Variants in STX8 observed in about 807,000 individuals in gnomAD.
STX8 encodes the protein syntaxin-8.
In STX8, 23 loss-of-function variants were observed where a neutral mutation model predicts 37.5. That is an observed-to-expected ratio of 0.61 (90% CI 0.44 to 0.87). STX8 has a LOEUF of 0.87. STX8 is among the 40% of genes least tolerant of loss of function. STX8 has a pLI of 0.00. For synonymous variants in STX8, 115 were observed against 99.1 expected (o/e 1.16, Z -0.95); for missense variants, 313 against 284.7 (o/e 1.10, Z -0.71).
chr17:9,348,870 CT>C (rs1910613652), intron 7 of STX8, among the ~76,000 whole-genome samples: 1 of 152,196 alleles, frequency 6.6e-6, no homozygotes, highest in South Asian at 2.1e-4. Context: ...CAGAGAAAAG[CT>C]TATACATTAA....
intron 7 of STX8, among the ~76,000 whole-genome samples, chr17:9,290,336 G>A (rs1597586659): frequency 6.6e-6 from 1 of 151,608 alleles, no homozygotes; most frequent in South Asian, 2.1e-4. Flanking sequence ...TTGAGGGCAG[G>A]TGTAGGGCAG....
At chr17:9,552,216 C>A (rs1422806135) in intron 3 of STX8, among the ~76,000 whole-genome samples, 1 of 152,122 alleles carries the variant, frequency 6.6e-6, no homozygotes, top group South Asian at 2.1e-4. Flanking sequence ...GTGGCATACA[C>A]CTGGACCCCT....
At chr17:9,499,485 G>A (rs1015546124) in intron 5 of STX8, among the ~76,000 whole-genome samples, 4 of 152,090 alleles carry the variant, frequency 2.6e-5, no homozygotes, top group African/African-American at 7.2e-5. Flanking sequence ...TGCAACCTCC[G>A]CCTCCCGAGT....
chr17:9,391,242 T>C (rs55776831), intron 6 of STX8, among the ~76,000 whole-genome samples: 2 of 151,552 alleles, frequency 1.3e-5, no homozygotes, highest in Admixed American at 1.3e-4. Flanking sequence ...TCACTTGAGG[T>C]CAGGAGTTCG....
chr17:9,518,612 T>TA (rs2142519889), intron 4 of STX8, among the ~76,000 whole-genome samples: 1 of 152,294 alleles, frequency 6.6e-6, no homozygotes, highest in East Asian at 1.9e-4. Context: ...CTCATGCCTG[T>TA]AATCCCAGCA....
At chr17:9,446,926 A>C (rs1904872771) in intron 6 of STX8, among the ~76,000 whole-genome samples, 1 of 152,204 alleles carries the variant, frequency 6.6e-6, no homozygotes, top group South Asian at 2.1e-4. Flanking sequence ...ATAGGTAATT[A>C]ATCTTGATTT....
intron 6 of STX8, among the ~76,000 whole-genome samples, chr17:9,380,453 T>TA (rs1210203605): frequency 2.0e-5 from 3 of 152,016 alleles, no homozygotes; most frequent in South Asian, 4.2e-4. Context: ...CAGGCCCTGC[T>TA]ATGTCACCCA....
chr17:9,263,874 A>G (rs1446484368), intron 7 of STX8, among the ~76,000 whole-genome samples: 1 of 152,222 alleles, frequency 6.6e-6, no homozygotes, highest in African/African-American at 2.4e-5. Flanking sequence ...GCTCTCATCA[A>G]GAGGTAGGAC....
chr17:9,275,174 C>G (rs972808373), intron 7 of STX8, among the ~76,000 whole-genome samples: 6 of 152,208 alleles, frequency 3.9e-5, no homozygotes, highest in African/African-American at 1.4e-4. Flanking sequence ...CAACCATCCT[C>G]TTGAGCTCCG....
At chr17:9,441,925 T>C (rs1416377878) in intron 6 of STX8, among the ~76,000 whole-genome samples, 1 of 151,868 alleles carries the variant, frequency 6.6e-6, no homozygotes, top group Non-Finnish European at 1.5e-5. Context: ...TCCGCCCACC[T>C]CGGCCTCCCA....
chr17:9,421,759 T>A (rs920840745), intron 6 of STX8, among the ~76,000 whole-genome samples: 2 of 152,168 alleles, frequency 1.3e-5, no homozygotes, highest in African/African-American at 4.8e-5. Context: ...CATGGCCGCA[T>A]GACATGGTTT....
chr17:9,458,172 T>C (rs557942102), intron 6 of STX8, among the ~76,000 whole-genome samples: 10 of 152,212 alleles, frequency 6.6e-5, no homozygotes, highest in Admixed American at 1.3e-4. Flanking sequence ...TTTTTTGAGA[T>C]GGAGTCTCGC....
chr17:9,327,891 TTCCC>T (rs35191388), intron 7 of STX8, among the ~76,000 whole-genome samples: 7,792 of 150,838 alleles, frequency 0.052, 674 homozygotes, highest in African/African-American at 0.18. Context: ...CCTTCCCTTC[TTCCC>T]TCCCTCCCTC....
At chr17:9,360,663 TAAA>T (rs59129684) in intron 7 of STX8, among the ~76,000 whole-genome samples, 3 of 133,414 alleles carry the variant, frequency 2.2e-5, no homozygotes, top group Non-Finnish European at 3.2e-5. Flanking sequence ...TTATTAGTGT[TAAA>T]AAAAAAAAAA....
intron 7 of STX8, among the ~76,000 whole-genome samples, chr17:9,374,859 T>C (rs112760922): frequency 0.011 from 1,631 of 151,582 alleles, 32 homozygotes; most frequent in African/African-American, 0.036. Context: ...AGGTCAGGAG[T>C]TTGAGACCAG....
intron 4 of STX8, among the ~76,000 whole-genome samples, chr17:9,520,573 T>A (rs1218573417): frequency 6.6e-6 from 1 of 152,194 alleles, no homozygotes; most frequent in Non-Finnish European, 1.5e-5. Flanking sequence ...ACGTTAGATA[T>A]CTTGTCTTAT....
intron 6 of STX8, among the ~76,000 whole-genome samples, chr17:9,481,977 G>A (rs900341317): frequency 6.6e-6 from 1 of 152,120 alleles, no homozygotes; most frequent in East Asian, 1.9e-4. Flanking sequence ...AAAAGGTTGG[G>A]GACCGCTGTT....
intron 6 of STX8, among the ~76,000 whole-genome samples, chr17:9,428,447 A>G (rs996667619): frequency 3.3e-5 from 5 of 152,258 alleles, no homozygotes; most frequent in South Asian, 2.1e-4. Flanking sequence ...TCACCGTGTT[A>G]GCCAGGATGG....
chr17:9,416,603 G>A (rs771353652), intron 6 of STX8, among the ~76,000 whole-genome samples: 8 of 151,206 alleles, frequency 5.3e-5, no homozygotes, highest in Admixed American at 6.6e-5. Context: ...TCCTGACCTC[G>A]TGATCTGCCC....
Sources: gnomAD v4.1 joint callset for allele counts (sites outside exome capture counted in the v4.1 genomes callset) on GRCh38, gnomAD v4.1.1 for gene constraint, MANE v1.5 for transcripts, NCBI Gene and HGNC (gene_info 2026-07-23, HGNC 2026-07-21) for gene names.